Variants in RFX3 observed in about 807,000 individuals in gnomAD.
RFX3 encodes the protein transcription factor RFX3.
Under a neutral mutation model 98.6 loss-of-function variants are expected in RFX3, and 14 were observed. That is an observed-to-expected ratio of 0.14 (90% CI 0.09 to 0.22). The LOEUF (loss-of-function observed/expected upper bound fraction) is 0.22. Ranked by LOEUF, RFX3 falls within the 10% of genes least tolerant of loss-of-function variation. The probability of loss-of-function intolerance (pLI) is 1.00; values close to 1 mark genes in which losing one functional copy is unlikely to be tolerated. For missense variants in RFX3, 639 were observed against 926.9 expected, an observed-to-expected ratio of 0.69 and a Z score of 4.03; for synonymous variants, 383 against 328.4, an observed-to-expected ratio of 1.17 and a Z score of -1.80.
intron 1 of RFX3, among the ~76,000 whole-genome samples, chr9:3,409,035 C>T (rs1283993521): frequency 2.0e-5 from 3 of 152,226 alleles, no homozygotes; most frequent in East Asian, 1.9e-4. Context: ...AAGAATTCTC[C>T]GATATTTAAG....
chr9:3,488,065 A>C (rs1850423165), intron 1 of RFX3, among the ~76,000 whole-genome samples: 1 of 152,196 alleles, frequency 6.6e-6, no homozygotes, highest in African/African-American at 2.4e-5. Context: ...TTTTAAAATA[A>C]ACGTGCTTCT....
At chr9:3,358,868 G>A (rs1587295697) in intron 2 of RFX3, among the ~76,000 whole-genome samples, 1 of 152,114 alleles carries the variant, frequency 6.6e-6, no homozygotes, top group East Asian at 1.9e-4. Flanking sequence ...CCAAGCGAAG[G>A]GGAAAGCCCC....
intron 1 of RFX3, among the ~76,000 whole-genome samples, chr9:3,509,764 A>G (rs971145898): frequency 6.6e-6 from 1 of 151,838 alleles, no homozygotes; most frequent in Non-Finnish European, 1.5e-5. Context: ...ACAGTTACTT[A>G]AAACACTAAA....
intron 1 of RFX3, among the ~76,000 whole-genome samples, chr9:3,499,830 T>C (rs2133627572): frequency 6.6e-6 from 1 of 152,306 alleles, no homozygotes; most frequent in East Asian, 1.9e-4. Context: ...ATTTTTGCTA[T>C]ATTAATATTA....
Position 3,330,275 on chromosome 9 carries a change from C to A in RFX3, c.458G>T (p.Arg153Leu). Residue 153 changes from arginine (R) to leucine (L), a missense_variant, in exon 4 of 17, where the codon CGG becomes CTG. Physicochemically the swap from Arg to Leu is moderately radical, Grantham distance 102. Transcript: ENST00000617270. ...NSGHSVTHTT[R>L]ASPATIEMAI... The stretch of plus-strand genomic sequence containing the variant: ...AATACTTACTGTCGCTGGGGAGGCC[C>A]GAGTTGTGTGTGTCACTGAGTGACC... 3 of 1,614,006 alleles carry A rather than the reference C, an allele frequency of 1.9e-6. No individual in the cohort carries two copies. The highest frequency in any genetic ancestry group is 2.5e-6 in the Non-Finnish European group (3 of 1,179,986).
chr9:3,446,703 A>G (rs1846085946), intron 1 of RFX3, among the ~76,000 whole-genome samples: 1 of 152,070 alleles, frequency 6.6e-6, no homozygotes, highest in Non-Finnish European at 1.5e-5. Flanking sequence ...ATGCCTGATC[A>G]ATATGTTTGA....
chr9:3,265,321 T>G (rs1823483873), intron 12 of RFX3, among the ~76,000 whole-genome samples: 1 of 152,236 alleles, frequency 6.6e-6, no homozygotes, highest in African/African-American at 2.4e-5. Context: ...AATGAAATGT[T>G]GCCTTCTATA....
chr9:3,244,496 G>A (rs1586715113), intron 15 of RFX3, among the ~76,000 whole-genome samples: 1 of 152,194 alleles, frequency 6.6e-6, no homozygotes, highest in East Asian at 1.9e-4. Context: ...GCATTTGACA[G>A]TGTTTATTTG....
chr9:3,424,416 C>G (rs1353249483), intron 1 of RFX3, among the ~76,000 whole-genome samples: 6 of 118,188 alleles, frequency 5.1e-5, no homozygotes, highest in Non-Finnish European at 9.6e-5. Context: ...GGCTGGAGTG[C>G]AGTGGCGCGA....
chr9:3,248,879 T>C (rs1344187423), intron 14 of RFX3, among the ~76,000 whole-genome samples: 1 of 152,172 alleles, frequency 6.6e-6, no homozygotes, highest in Admixed American at 6.5e-5. Flanking sequence ...TACGAAAATA[T>C]AAGCAATATT....
chr9:3,315,160 T>C (rs1230808706), intron 4 of RFX3, among the ~76,000 whole-genome samples: 2 of 152,064 alleles, frequency 1.3e-5, no homozygotes, highest in Admixed American at 1.3e-4. Flanking sequence ...AGAACAGAAA[T>C]TATAACAAAC....
At chr9:3,262,177 T>C (rs1211652456) in intron 13 of RFX3, among the ~76,000 whole-genome samples, 1 of 152,194 alleles carries the variant, frequency 6.6e-6, no homozygotes, top group Non-Finnish European at 1.5e-5. Context: ...TTTCCTCTTG[T>C]TGCTTATGCT....
chr9:3,430,762 T>C (rs759535733), intron 1 of RFX3, among the ~76,000 whole-genome samples: 2 of 152,006 alleles, frequency 1.3e-5, no homozygotes, highest in Admixed American at 6.6e-5. Flanking sequence ...AAAAAATATA[T>C]TGGAACATTT....
chr9:3,246,934 A>T, intron 15 of RFX3: 1 of 451,348 alleles, frequency 2.2e-6, no homozygotes, highest in Non-Finnish European at 2.9e-6. Context: ...CAAGTTTGAC[A>T]TGCATTTTAT....
At chr9:3,465,780 G>A (rs577291017) in intron 1 of RFX3, among the ~76,000 whole-genome samples, 1 of 152,176 alleles carries the variant, frequency 6.6e-6, no homozygotes, top group Non-Finnish European at 1.5e-5. Context: ...AAATAGAGCA[G>A]TGAGTGGTAA....
rs1261762784 is a variant in RFX3, at chr9:3,291,435, C to G, written c.731+1642G>C. ...CAAAACAAAACAAAACAAAACAAAACAGACCTTGCTGAGTTTCCCCCAGAT... is the reference window on the plus strand; with the variant it reads ...CAAAACAAAACAAAACAAAACAAAAGAGACCTTGCTGAGTTTCCCCCAGAT... On this transcript the variant is annotated intron_variant, in intron 6 of 16. Coordinates refer to ENST00000617270, the MANE Select transcript of RFX3 (RefSeq NM_001282116.2). 4.0e-5 allele frequency among the ~76,000 whole-genome samples: 6 copies of G among 150,584 alleles called. No homozygotes were observed. The East Asian group carries it at 1.2e-3, about 29-fold the overall frequency.
chr9:3,447,017 T>C (rs1034660712), intron 1 of RFX3, among the ~76,000 whole-genome samples: 3 of 152,142 alleles, frequency 2.0e-5, no homozygotes, highest in Non-Finnish European at 1.5e-5. Flanking sequence ...AAAGCATTAC[T>C]TATTCGTTGA....
chr9:3,444,077 T>C (rs1845830918), intron 1 of RFX3, among the ~76,000 whole-genome samples: 1 of 152,186 alleles, frequency 6.6e-6, no homozygotes, highest in Non-Finnish European at 1.5e-5. Flanking sequence ...TAGGGATTTA[T>C]CCAAAGAAAG....
intron 3 of RFX3, among the ~76,000 whole-genome samples, chr9:3,343,751 C>A (rs566028641): frequency 1.3e-5 from 2 of 152,272 alleles, no homozygotes; most frequent in South Asian, 4.1e-4. Context: ...TTTGAAGATG[C>A]ATCTTCTCCC....
Sources: allele counts gnomAD v4.1 joint callset (sites outside exome capture counted in the v4.1 genomes callset), GRCh38; gene constraint gnomAD v4.1.1; transcripts MANE v1.5; gene names NCBI Gene and HGNC (gene_info 2026-07-23, HGNC 2026-07-21).